PCSK2: variants seen among roughly 807,000 people sequenced by gnomAD.
The protein encoded by PCSK2 is neuroendocrine convertase 2.
A neutral mutation model predicts 69.7 loss-of-function variants in PCSK2; 14 were observed. The ratio of observed to expected loss-of-function variants is 0.20; its 90% CI spans 0.13 to 0.31. The LOEUF (loss-of-function observed/expected upper bound fraction) is 0.31, where lower values mean the gene tolerates loss of function less well. Among genes scored for constraint, PCSK2 ranks in the 10% least tolerant of loss-of-function variants. The pLI, the probability that PCSK2 is intolerant of heterozygous loss-of-function variation, is 1.00. For synonymous variants in PCSK2, 307 were observed against 320.7 expected, an observed-to-expected ratio of 0.96 and a Z score of 0.46; for missense variants, 544 against 842.5, an observed-to-expected ratio of 0.65 and a Z score of 4.39.
rs538022444 is a variant in PCSK2 at position 17,288,781 on chromosome 20, C to A, written c.282+28437C>A. On this transcript the variant is annotated intron_variant, in intron 2 of 11. Transcript: ENST00000262545. ...AAACCAACCCAGATGACACCTTGATCTTGAACTTCTAGTCTCCAGAATCGT... is the reference window on the plus strand; with the variant it reads ...AAACCAACCCAGATGACACCTTGATATTGAACTTCTAGTCTCCAGAATCGT... Among the ~76,000 whole-genome samples, 52 of 152,306 alleles carry A rather than the reference C, an allele frequency of 3.4e-4. 1 individual carries two copies. The South Asian group carries it at 7.7e-3, about 22-fold the overall frequency.
intron 2 of PCSK2, among the ~76,000 whole-genome samples, chr20:17,301,701 G>A (rs930668228): frequency 6.6e-6 from 1 of 152,142 alleles, no homozygotes; most frequent in African/African-American, 2.4e-5. Context: ...GGGAGTCCAA[G>A]GCAGGCAGAT....
chr20:17,374,786 C>A (rs948698394), intron 5 of PCSK2, among the ~76,000 whole-genome samples: 4 of 152,112 alleles, frequency 2.6e-5, no homozygotes, highest in African/African-American at 9.7e-5. Flanking sequence ...GGGTGAAGGC[C>A]ACTACCCAGG....
chr20:17,288,467 A>G lies in PCSK2; in HGVS notation c.282+28123A>G, dbSNP rs1203004812. On this transcript the variant is annotated intron_variant, in intron 2 of 11. Transcript: ENST00000262545. Reference sequence around the variant, plus strand: ...CAGTGAGTCCCTACTCACCTGCTCCACCACTAATGGCTGCAGCAATGCCAC... The same window carrying G: ...CAGTGAGTCCCTACTCACCTGCTCCGCCACTAATGGCTGCAGCAATGCCAC... Among the ~76,000 whole-genome samples the G allele has an allele frequency of 2.6e-5, 4 of 152,178 alleles. No individual in the cohort carries two copies. In the East Asian group the frequency reaches 5.8e-4, roughly 22 times the overall value.
intron 2 of PCSK2, among the ~76,000 whole-genome samples, chr20:17,321,915 A>C (rs889028477): frequency 1.1e-4 from 17 of 152,186 alleles, no homozygotes; most frequent in South Asian, 2.1e-4. Context: ...ATAACAAAGG[A>C]AGAAAAATAA....
chr20:17,304,323 TGAAGGAATTAATAGCAGTAACA>T (rs1568594438), intron 2 of PCSK2, among the ~76,000 whole-genome samples: 1 of 152,136 alleles, frequency 6.6e-6, no homozygotes, highest in Non-Finnish European at 1.5e-5. Flanking sequence ...TAAATACTTA[TGAAGGAATTAATAGCAGTAACA>T]GCTCAAAAGC....
At chr20:17,353,308 A>C (rs1048071494) in intron 2 of PCSK2, among the ~76,000 whole-genome samples, 2 of 151,582 alleles carry the variant, frequency 1.3e-5, no homozygotes, top group African/African-American at 2.4e-5. Context: ...AAAAAATACA[A>C]AAAAAAATTA....
At chr20:17,310,136 AT>A (rs142795594) in intron 2 of PCSK2, among the ~76,000 whole-genome samples, 11,862 of 152,180 alleles carry the variant, frequency 0.078, 652 homozygotes, top group South Asian at 0.28. Flanking sequence ...ACCATATCAC[AT>A]GAGAACTCAC....
intron 2 of PCSK2, among the ~76,000 whole-genome samples, chr20:17,334,195 T>C (rs1473885360): frequency 6.6e-6 from 1 of 151,908 alleles, no homozygotes; most frequent in Non-Finnish European, 1.5e-5. Context: ...AAGGTCTTTA[T>C]ATAGAAAACA....
chr20:17,266,417 G>A (rs1178366215), intron 2 of PCSK2, among the ~76,000 whole-genome samples: 1 of 152,202 alleles, frequency 6.6e-6, no homozygotes, highest in African/African-American at 2.4e-5. Context: ...GGTCCATTGT[G>A]AAAGGGAAAT....
At chr20:17,235,805 A>G (rs377529806) in intron 1 of PCSK2, among the ~76,000 whole-genome samples, 4 of 152,154 alleles carry the variant, frequency 2.6e-5, no homozygotes, top group Admixed American at 2.6e-4. Flanking sequence ...CACACAAACA[A>G]AAAAGTGAAT....
At chr20:17,254,796 A>G (rs192543783) in intron 1 of PCSK2, among the ~76,000 whole-genome samples, 2 of 152,360 alleles carry the variant, frequency 1.3e-5, no homozygotes, top group South Asian at 2.1e-4. Context: ...ATTTTAAAAA[A>G]TCCGTGAACA....
At chr20:17,369,307 C>A in intron 5 of PCSK2, 30 bp downstream of exon 5, 1 of 1,595,414 alleles carries the variant, frequency 6.3e-7, no homozygotes, top group Non-Finnish European at 8.6e-7. Flanking sequence ...GGTGGGGAAA[C>A]AGATGCATCT....
chr20:17,371,602 T>C (rs539596839), intron 5 of PCSK2, among the ~76,000 whole-genome samples: 1 of 152,306 alleles, frequency 6.6e-6, no homozygotes, highest in African/African-American at 2.4e-5. Context: ...GATTCAAAAC[T>C]AGCCATAATA....
chr20:17,470,231 A>G (rs1357942923), intron 11 of PCSK2, among the ~76,000 whole-genome samples: 2 of 152,346 alleles, frequency 1.3e-5, no homozygotes, highest in Middle Eastern at 3.4e-3. Context: ...GCACTGTCCA[A>G]TACAATAGCT....
At chr20:17,251,589 A>G (rs1986981352) in intron 1 of PCSK2, among the ~76,000 whole-genome samples, 1 of 152,252 alleles carries the variant, frequency 6.6e-6, no homozygotes, top group South Asian at 2.1e-4. Context: ...GTTGACAGAC[A>G]GAACCAATAT....
At chr20:17,391,949 G>GAAGGAAGGAAGGAAGGAA (rs377564885) in intron 5 of PCSK2, among the ~76,000 whole-genome samples, 1 of 75,180 alleles carries the variant, frequency 1.3e-5, no homozygotes. Context: ...AGGAAGGAAG[G>GAAGGAAGGAAGGAAGGAA]GGAAGGGAAA....
At chr20:17,472,971 G>A (rs1444990223) in intron 11 of PCSK2, among the ~76,000 whole-genome samples, 1 of 151,628 alleles carries the variant, frequency 6.6e-6, no homozygotes, top group Non-Finnish European at 1.5e-5. Context: ...ACACTTACTT[G>A]CAATGATACA....
intron 1 of PCSK2, among the ~76,000 whole-genome samples, chr20:17,242,143 T>G (rs1986600816): frequency 6.6e-6 from 1 of 152,242 alleles, no homozygotes; most frequent in Admixed American, 6.5e-5. Flanking sequence ...TGCTTCATAC[T>G]GTTTTCCTGC....
intron 4 of PCSK2, among the ~76,000 whole-genome samples, chr20:17,361,309 A>G (rs1191544089): frequency 6.6e-6 from 1 of 152,198 alleles, no homozygotes; most frequent in Non-Finnish European, 1.5e-5. Flanking sequence ...CATCCCTTAC[A>G]TGTTATTCAA....
Sources: allele counts gnomAD v4.1 joint callset (sites outside exome capture counted in the v4.1 genomes callset), GRCh38; gene constraint gnomAD v4.1.1; transcripts MANE v1.5; gene names NCBI Gene and HGNC (gene_info 2026-07-23, HGNC 2026-07-21).